Variants in GALNT10 observed in about 807,000 individuals in gnomAD.
GALNT10 encodes the protein GalNAc transferase 10.
In GALNT10, 41 loss-of-function variants were observed where a neutral mutation model predicts 75.0. The ratio of observed to expected loss-of-function variants is 0.55; its 90% CI spans 0.43 to 0.71. The LOEUF (loss-of-function observed/expected upper bound fraction) is 0.71. GALNT10 is among the 30% of genes least tolerant of loss of function. The pLI is 0.00. For synonymous variants in GALNT10, 302 were observed against 313.0 expected (o/e 0.96, Z 0.37); for missense variants, 727 against 818.5 (o/e 0.89, Z 1.36).
At chr5:154,370,324 A>T (rs1755546524) in intron 4 of GALNT10, among the ~76,000 whole-genome samples, 1 of 152,176 alleles carries the variant, frequency 6.6e-6, no homozygotes, top group South Asian at 2.1e-4. Context: ...AGTGAAAGAG[A>T]CAGTGAGGAA....
intron 1 of GALNT10, among the ~76,000 whole-genome samples, chr5:154,234,042 G>A (rs116037667): frequency 0.016 from 2,468 of 152,226 alleles, 54 homozygotes; most frequent in African/African-American, 0.056. Flanking sequence ...ATTTGCAAAA[G>A]AGCATTTAAC....
chr5:154,242,497 G>A (rs1033803056), intron 1 of GALNT10, among the ~76,000 whole-genome samples: 1 of 152,142 alleles, frequency 6.6e-6, no homozygotes, highest in African/African-American at 2.4e-5. Flanking sequence ...ACTCTTTGGT[G>A]CATCTGCCCA....
rs567605504 is a variant in GALNT10, at chr5:154,359,710, C to A, written c.569-16567C>A. Among the ~76,000 whole-genome samples, 69 of 151,708 alleles carry A rather than the reference C, an allele frequency of 4.5e-4. No individual in the cohort carries two copies. In the East Asian group the frequency reaches 9.5e-3, roughly 21 times the overall value. On this transcript the variant is annotated intron_variant, in intron 4 of 11. Transcript: ENST00000297107. ...GTGTCACCACAAGCCAAGATTTTGA[C>A]CAGCTCTAAAAGTAGAGCTGGAGGC...
At chr5:154,288,853 G>A (rs1307969503) in intron 1 of GALNT10, among the ~76,000 whole-genome samples, 1 of 152,176 alleles carries the variant, frequency 6.6e-6, no homozygotes, top group South Asian at 2.1e-4. Context: ...CAATGTTCCT[G>A]CCTTTTCTGT....
At chr5:154,265,912 A>AAG (rs1384582939) in intron 1 of GALNT10, among the ~76,000 whole-genome samples, 5 of 151,682 alleles carry the variant, frequency 3.3e-5, no homozygotes, top group Non-Finnish European at 1.5e-5. Context: ...ATTAAAAAAA[A>AAG]AAATGTTGCC....
In GALNT10 at chr5:154,402,979, T is replaced by G. The variant is rs1756199952; in HGVS notation, c.1057-1125T>G. The G allele has an allele frequency of 6.6e-6, 1 of 152,500 alleles. No individual in the cohort carries two copies. The highest frequency in any genetic ancestry group is 1.5e-5 in the Non-Finnish European group (1 of 68,248). 9.4% of individuals were successfully genotyped at this position (152,500 alleles called of 1,614,324 possible). A position where few individuals can be genotyped will look rare whatever the true frequency, so the allele number is the denominator to read the frequency against. On this transcript the variant is annotated intron_variant, in intron 7 of 11. Coordinates refer to ENST00000297107, the MANE Select transcript of GALNT10 (RefSeq NM_198321.4). The surrounding 1 kb of genome is among the most constrained non-coding windows in gnomAD (Gnocchi z 4.2). ...CACAAATACGAGGAGGCAGGGATTGTGAGGCCACTTCGGAGGCTGGGGCCT... is the reference window on the plus strand; with the variant it reads ...CACAAATACGAGGAGGCAGGGATTGGGAGGCCACTTCGGAGGCTGGGGCCT...
chr5:154,396,374 G>A (rs1271473790), intron 7 of GALNT10, among the ~76,000 whole-genome samples: 1 of 152,218 alleles, frequency 6.6e-6, no homozygotes, highest in Non-Finnish European at 1.5e-5. Flanking sequence ...AGGGTAGGAG[G>A]TGATAGGTGG....
At chr5:154,377,800 G>A (rs1355685799) in intron 5 of GALNT10, among the ~76,000 whole-genome samples, 2 of 151,424 alleles carry the variant, frequency 1.3e-5, no homozygotes, top group East Asian at 1.9e-4. Context: ...CTGGTAAACT[G>A]TTTATTTAAT....
Position 154,418,749 on chromosome 5 carries a change from C to G in GALNT10, c.*1777C>G, listed in dbSNP as rs2113234129. On this transcript the variant is annotated 3_prime_UTR_variant, in exon 12 of 12. Transcript: ENST00000297107. ...TTCCACTTCTGGCCCAGCACAAGCC[C>G]TGCTTTGGCCACCTGTCTGCAAGAG... 6.6e-6 allele frequency: 1 copy of G among 152,322 alleles called. No individual in the cohort carries two copies. The highest frequency in any genetic ancestry group is 1.9e-4 in the East Asian group (1 of 5,170). The allele number at this position is 152,322 out of a possible 1,614,324, so 9.4% of individuals were successfully genotyped here. A position where few individuals can be genotyped will look rare whatever the true frequency, so the allele number is the denominator to read the frequency against.
chr5:154,393,076 A>AAAAAAAAAAAC (rs1361485484), intron 7 of GALNT10: 1 of 145,206 alleles, frequency 6.9e-6, no homozygotes, highest in East Asian at 2.1e-4. Context: ...AAAAAAAAAA[A>AAAAAAAAAAAC]AACCCATTTT....
chr5:154,326,621 T>A (rs540026542), intron 3 of GALNT10, among the ~76,000 whole-genome samples: 1 of 152,198 alleles, frequency 6.6e-6, no homozygotes, highest in Non-Finnish European at 1.5e-5. Flanking sequence ...TTGAAAACAT[T>A]ACACCAAGTG....
chr5:154,221,584 C>G (rs545538903), intron 1 of GALNT10, among the ~76,000 whole-genome samples: 24 of 151,508 alleles, frequency 1.6e-4, no homozygotes, highest in Non-Finnish European at 2.8e-4. Context: ...GAAGGCTTCA[C>G]AGGCACCCAG....
At chr5:154,344,558 T>C (rs1755090797) in intron 4 of GALNT10, among the ~76,000 whole-genome samples, 1 of 152,174 alleles carries the variant, frequency 6.6e-6, no homozygotes, top group Non-Finnish European at 1.5e-5. Flanking sequence ...AGAACAGATA[T>C]TCCGCTTCTA....
intron 7 of GALNT10, among the ~76,000 whole-genome samples, chr5:154,390,070 G>T (rs1187205397): frequency 6.6e-6 from 1 of 152,080 alleles, no homozygotes; most frequent in Non-Finnish European, 1.5e-5. Flanking sequence ...ACTACAGATG[G>T]CAATCAACAT....
intron 1 of GALNT10, among the ~76,000 whole-genome samples, chr5:154,229,225 G>C (rs899179082): frequency 6.6e-6 from 1 of 152,046 alleles, no homozygotes; most frequent in African/African-American, 2.4e-5. Context: ...TGAACTCCTG[G>C]GCTTTACATC....
At chr5:154,278,065 G>C (rs1396422260) in intron 1 of GALNT10, among the ~76,000 whole-genome samples, 2 of 152,226 alleles carry the variant, frequency 1.3e-5, no homozygotes, top group African/African-American at 4.8e-5. Flanking sequence ...GACCAGATGG[G>C]TGACGGATGC....
intron 1 of GALNT10, among the ~76,000 whole-genome samples, chr5:154,231,485 G>A (rs79859793): frequency 1.3e-5 from 2 of 152,122 alleles, no homozygotes; most frequent in Non-Finnish European, 2.9e-5. Context: ...TGAGAGGGTG[G>A]GAGACACTTT....
rs200600903 is a variant in GALNT10, at chr5:154,412,898, G to T, written c.1396G>T (p.Val466Leu). Reference protein sequence around the residue: ...PAAAWGEIRNVGTGLCADTKH... With the variant: ...PAAAWGEIRNLGTGLCADTKH... ...CCTCTTTCCCTTTCAGATCCGAAAT[G>T]TGGGCACAGGGCTGTGTGCAGACAC... is the stretch of plus-strand genomic sequence containing the variant. The change falls in exon 10 of 12, where the codon GTG (valine) becomes TTG (leucine). Residue 466 changes from valine (V) to leucine (L), a missense_variant. Physicochemically the swap from Val to Leu is conservative, Grantham distance 32. Coordinates refer to ENST00000297107, the MANE Select transcript of GALNT10 (RefSeq NM_198321.4). The surrounding 1 kb of genome is among the most constrained non-coding windows in gnomAD (Gnocchi z 4.2). 1.2e-6 allele frequency: 2 copies of T among 1,612,172 alleles called. No individual in the cohort carries two copies. The highest frequency in any genetic ancestry group is 2.2e-5 in the South Asian group (2 of 91,052).
chr5:154,210,463 T>C (rs116732037), intron 1 of GALNT10, among the ~76,000 whole-genome samples: 4,986 of 152,108 alleles, frequency 0.033, 101 homozygotes, highest in Middle Eastern at 0.13. Flanking sequence ...AGCTCAGGTG[T>C]CCCTATTCCA....
Sources: gnomAD v4.1 joint callset for allele counts (sites outside exome capture counted in the v4.1 genomes callset) on GRCh38, gnomAD v4.1.1 for gene constraint, Gnocchi (gnomAD v3.1) non-coding constraint, MANE v1.5 for transcripts, NCBI Gene and HGNC (gene_info 2026-07-23, HGNC 2026-07-21) for gene names.